Variants in FBLN1 observed in about 807,000 individuals in gnomAD.
FBLN1 encodes the protein fibulin-1.
FBLN1 carries 34 observed loss-of-function variants against 89.7 expected under a neutral mutation model. That is an observed-to-expected ratio of 0.38 (90% CI 0.29 to 0.50). The LOEUF (loss-of-function observed/expected upper bound fraction) is 0.50, where lower values mean the gene tolerates loss of function less well. FBLN1 is among the 20% of genes least tolerant of loss of function. The pLI is 0.92. For synonymous variants in FBLN1, 393 were observed against 391.3 expected, an observed-to-expected ratio of 1.00 and a Z score of -0.05; for missense variants, 777 against 988.1, an observed-to-expected ratio of 0.79 and a Z score of 2.86.
intron 1 of FBLN1, among the ~76,000 whole-genome samples, chr22:45,510,518 C>T (rs1401339661): frequency 6.6e-6 from 1 of 152,138 alleles, no homozygotes; most frequent in African/African-American, 2.4e-5. Context: ...AGTCTCCCCT[C>T]TGTGACAGTC....
intron 3 of FBLN1, among the ~76,000 whole-genome samples, chr22:45,526,537 G>C (rs776859631): frequency 2.7e-4 from 30 of 111,228 alleles, no homozygotes; most frequent in Non-Finnish European, 5.3e-4. Context: ...GCATTCCCTG[G>C]AAGAAGCTTC....
At chr22:45,514,256 A>C (rs1458573785) in intron 1 of FBLN1, among the ~76,000 whole-genome samples, 1 of 152,012 alleles carries the variant, frequency 6.6e-6, no homozygotes, top group Non-Finnish European at 1.5e-5. Flanking sequence ...CTTGTTTTGG[A>C]ACCCAAGTTA....
intron 2 of FBLN1, among the ~76,000 whole-genome samples, chr22:45,522,078 T>G (rs1004517374): frequency 4.6e-5 from 7 of 152,062 alleles, no homozygotes; most frequent in Non-Finnish European, 7.4e-5. Flanking sequence ...CTCCGCTTCC[T>G]GGGTTCAAGC....
At position 45,550,637 on chromosome 22, in the gene FBLN1, A is replaced by G; in HGVS notation, c.1697+22A>G. 6.2e-7 allele frequency: 1 copy of G among 1,613,956 alleles called. No homozygotes were observed. Among genetic ancestry groups the G allele is most frequent in the Non-Finnish European group, 8.5e-7 (1 of 1,180,024 alleles). On this transcript the variant is annotated intron_variant, in intron 14 of 16. Transcript: ENST00000327858. The surrounding 1 kb of genome is among the most constrained non-coding windows in gnomAD (Gnocchi z 8.4). ...CCACGTAAGTCCCTTGGACCATGCC[A>G]TCGTCGTCTGTCTGTGTTGGCCTTC...
intron 1 of FBLN1, among the ~76,000 whole-genome samples, chr22:45,503,662 G>A (rs565109278): frequency 6.6e-6 from 1 of 152,292 alleles, no homozygotes; most frequent in East Asian, 1.9e-4. Flanking sequence ...GGATGGAGGG[G>A]ATGCGGACCT....
chr22:45,578,714 G>A lies in FBLN1; in HGVS notation c.1972+1606G>A, dbSNP rs1288867520. On this transcript the variant is annotated intron_variant, in intron 16 of 16. Transcript: ENST00000327858. The surrounding 1 kb of genome is among the most constrained non-coding windows in gnomAD (Gnocchi z 4.6). ...CCCCCGCCCCAAAGGGGCCAGCCCT[G>A]TGCTTGATGCTGGGCCTGCAGTTGT... 6.6e-6 allele frequency among the ~76,000 whole-genome samples: 1 copy of A among 152,252 alleles called. No individual in the cohort carries two copies. Among genetic ancestry groups the A allele is most frequent in the Non-Finnish European group, 1.5e-5 (1 of 68,042 alleles).
At chr22:45,555,799 C>T (rs989630810) in intron 14 of FBLN1, among the ~76,000 whole-genome samples, 3 of 152,156 alleles carry the variant, frequency 2.0e-5, no homozygotes, top group Admixed American at 2.0e-4. Flanking sequence ...ATCATAATTA[C>T]ACCTAACATA....
chr22:45,533,151 T>C lies in FBLN1; in HGVS notation c.633T>C (p.Gly211=). Residue 211 remains glycine, a synonymous_variant, in exon 6 of 17, where the codon GGT becomes GGC. Coordinates refer to ENST00000327858, the MANE Select transcript of FBLN1 (RefSeq NM_006486.3). ...CFVGYQLLSD[G]VSCEDVNECI... The stretch of plus-strand genomic sequence containing the variant: ...TGGGCTACCAGCTGCTGTCTGATGG[T>C]GTCTCCTGTGAAGGTAATGTCCCTA... The C allele has an allele frequency of 6.2e-7, 1 of 1,614,082 alleles. No homozygotes were observed. Among genetic ancestry groups the C allele is most frequent in the Non-Finnish European group, 8.5e-7 (1 of 1,179,912 alleles).
At chr22:45,520,636 C>T (rs892825523) in intron 2 of FBLN1, among the ~76,000 whole-genome samples, 1 of 152,166 alleles carries the variant, frequency 6.6e-6, no homozygotes, top group Non-Finnish European at 1.5e-5. Flanking sequence ...ACTATTAATA[C>T]TTAGTGAAAT....
In FBLN1 at chr22:45,563,271, T is replaced by G. The variant is rs369310329; in HGVS notation, c.1698-11240T>G. Reference sequence around the variant, plus strand: ...TTTGTGTCTGCAGAGCTCTGAGCACTCGCTTCGCGTCGCGGGGTCTCCCTC... The same window carrying G: ...TTTGTGTCTGCAGAGCTCTGAGCACGCGCTTCGCGTCGCGGGGTCTCCCTC... On this transcript the variant is annotated intron_variant, in intron 14 of 16. Transcript: ENST00000327858. This position sits in a 1 kb window ranked among gnomAD's most constrained non-coding sequence, Gnocchi z 5.7. 10 of 1,613,364 alleles carry G rather than the reference T, an allele frequency of 6.2e-6. No individual in the cohort carries two copies. In the African/African-American group the frequency reaches 1.3e-4, roughly 22 times the overall value.
rs921219724 is a variant in FBLN1, at chr22:45,583,222, C to G, written c.1972+6114C>G. ...AGTCAGCTCTCTGTTGTCCCCCAAG[C>G]CCCTCAGCCCCCCAGGCAGCTCTAA... On this transcript the variant is annotated intron_variant, in intron 16 of 16. Transcript: ENST00000327858. This position sits in a 1 kb window ranked among gnomAD's most constrained non-coding sequence, Gnocchi z 4.5. 6.6e-6 allele frequency among the ~76,000 whole-genome samples: 1 copy of G among 152,178 alleles called. No homozygotes were observed. Among genetic ancestry groups the G allele is most frequent in the Non-Finnish European group, 1.5e-5 (1 of 68,016 alleles).
rs1441832673 is a variant in FBLN1 at position 45,550,402 on chromosome 22, G to A, written c.1574-90G>A. 6.3e-7 allele frequency: 1 copy of A among 1,598,950 alleles called. No homozygotes were observed. The highest frequency in any genetic ancestry group is 2.2e-5 in the East Asian group (1 of 44,816). On this transcript the variant is annotated intron_variant, in intron 13 of 16. Coordinates refer to ENST00000327858, the MANE Select transcript of FBLN1 (RefSeq NM_006486.3). This position sits in a 1 kb window ranked among gnomAD's most constrained non-coding sequence, Gnocchi z 8.4. ...GGCCTGATCGCCACCCCTAACCCTA[G>A]TTGATGGGAGGCCTGGGCTCCTCCG... is the stretch of plus-strand genomic sequence containing the variant.
chr22:45,586,225 C>G (rs905476154), intron 16 of FBLN1, among the ~76,000 whole-genome samples: 1 of 152,160 alleles, frequency 6.6e-6, no homozygotes, highest in Non-Finnish European at 1.5e-5. Context: ...ATGTGAGTGC[C>G]GCACTGCACA....
intron 2 of FBLN1, among the ~76,000 whole-genome samples, chr22:45,523,777 AC>A (rs1193174945): frequency 6.6e-6 from 1 of 152,164 alleles, no homozygotes; most frequent in East Asian, 1.9e-4. Context: ...TCTGTTTGAA[AC>A]CATGCTTCAG....
chr22:45,534,025 T>A, intron 7 of FBLN1, 127 bp downstream of exon 7: 1 of 1,301,330 alleles, frequency 7.7e-7, no homozygotes, highest in Non-Finnish European at 1.1e-6. Context: ...GGCGACTGCC[T>A]GCTCATCTGC....
chr22:45,591,270 G>T (rs1316016691), intron 16 of FBLN1, among the ~76,000 whole-genome samples: 2 of 152,200 alleles, frequency 1.3e-5, no homozygotes, highest in African/African-American at 4.8e-5. Context: ...GCCTGCGTTT[G>T]CGATGAGAGG....
At chr22:45,523,169 C>G in intron 2 of FBLN1, 1 of 778,386 alleles carries the variant, frequency 1.3e-6, no homozygotes, top group East Asian at 2.4e-5. Flanking sequence ...CATCCCAGGC[C>G]GAGGGAACAG....
chr22:45,589,081 ATTTTTTATATATATAAAAAATATAT>A (rs2089113318), intron 16 of FBLN1, among the ~76,000 whole-genome samples: 1 of 145,518 alleles, frequency 6.9e-6, no homozygotes, highest in Non-Finnish European at 1.5e-5. Flanking sequence ...ATATAAAAAT[ATTTTTTATATATATAAAAAATATAT>A]AAAAATATTT....
intron 14 of FBLN1, among the ~76,000 whole-genome samples, chr22:45,552,313 A>G (rs1412155899): frequency 6.6e-6 from 1 of 152,112 alleles, no homozygotes; most frequent in Non-Finnish European, 1.5e-5. Context: ...GTATGGACAC[A>G]TGTGCGGTGA....
Sources: gnomAD v4.1 joint callset for allele counts (sites outside exome capture counted in the v4.1 genomes callset) on GRCh38, gnomAD v4.1.1 for gene constraint, Gnocchi (gnomAD v3.1) non-coding constraint, MANE v1.5 for transcripts, NCBI Gene and HGNC (gene_info 2026-07-23, HGNC 2026-07-21) for gene names.